The following PLPPR5 variants were observed in gnomAD, a reference collection of about 807,000 sequenced individuals.
PLPPR5 encodes the protein phospholipid phosphatase-related protein type 5.
In PLPPR5, 16 loss-of-function variants were observed where a neutral mutation model predicts 33.9. The ratio of observed to expected loss-of-function variants is 0.47; its 90% CI spans 0.32 to 0.72. The LOEUF (loss-of-function observed/expected upper bound fraction) is 0.72, where lower values mean the gene tolerates loss of function less well. Among genes scored for constraint, PLPPR5 ranks in the 30% least tolerant of loss-of-function variants. The probability of loss-of-function intolerance (pLI) is 0.03; values close to 1 mark genes in which losing one functional copy is unlikely to be tolerated. For missense variants in PLPPR5, 301 were observed against 406.7 expected (o/e 0.74, Z 2.23); for synonymous variants, 163 against 150.3 (o/e 1.08, Z -0.62).
intron 1 of PLPPR5, among the ~76,000 whole-genome samples, chr1:98,997,990 AAG>A (rs1652687703): frequency 6.6e-6 from 1 of 152,166 alleles, no homozygotes; most frequent in Non-Finnish European, 1.5e-5. Context: ...GGAAGAGGTG[AAG>A]GGAGAAAAAA....
intron 1 of PLPPR5, among the ~76,000 whole-genome samples, chr1:98,966,524 T>C (rs1189546465): frequency 2.6e-5 from 4 of 152,122 alleles, no homozygotes; most frequent in Non-Finnish European, 5.9e-5. Flanking sequence ...AAATAAAGAA[T>C]AAAGTAACCT....
At chr1:98,929,332 C>A (rs1649882707) in intron 3 of PLPPR5, among the ~76,000 whole-genome samples, 1 of 152,180 alleles carries the variant, frequency 6.6e-6, no homozygotes, top group African/African-American at 2.4e-5. Flanking sequence ...TGGATTAAAA[C>A]TATACATGTG....
intron 1 of PLPPR5, among the ~76,000 whole-genome samples, chr1:98,971,143 T>G (rs1651642546): frequency 6.6e-6 from 1 of 152,092 alleles, no homozygotes; most frequent in South Asian, 2.1e-4. Flanking sequence ...ATCTTATTTT[T>G]AGAAGCAGCC....
intron 1 of PLPPR5, among the ~76,000 whole-genome samples, chr1:98,979,398 G>A (rs1473325735): frequency 6.6e-6 from 1 of 151,998 alleles, no homozygotes; most frequent in Non-Finnish European, 1.5e-5. Context: ...CAATATCCAT[G>A]CCATTTGATT....
At chr1:98,995,295 C>T (rs548313310) in intron 1 of PLPPR5, among the ~76,000 whole-genome samples, 5 of 152,126 alleles carry the variant, frequency 3.3e-5, no homozygotes, top group African/African-American at 1.2e-4. Context: ...AAACAATAGA[C>T]ACTGGGGCCT....
chr1:98,985,563 G>A (rs538789648), intron 1 of PLPPR5, among the ~76,000 whole-genome samples: 65 of 151,992 alleles, frequency 4.3e-4, no homozygotes, highest in African/African-American at 1.3e-3. Context: ...ACATTCACTC[G>A]TCTCACTCTC....
At chr1:98,948,158 A>G (rs763457604) in intron 3 of PLPPR5, among the ~76,000 whole-genome samples, 1 of 152,164 alleles carries the variant, frequency 6.6e-6, no homozygotes, top group Non-Finnish European at 1.5e-5. Flanking sequence ...TTATACCTCC[A>G]AGTGAGGGCT....
intron 3 of PLPPR5, among the ~76,000 whole-genome samples, chr1:98,932,346 C>T (rs1231128454): frequency 6.6e-6 from 1 of 152,166 alleles, no homozygotes; most frequent in African/African-American, 2.4e-5. Flanking sequence ...TGAGTTAAAA[C>T]ACCATCTAGG....
intron 5 of PLPPR5, among the ~76,000 whole-genome samples, chr1:98,910,026 A>G (rs1649064052): frequency 6.6e-6 from 1 of 152,248 alleles, no homozygotes; most frequent in South Asian, 2.1e-4. Context: ...GCATAAAAAT[A>G]ACGAATACTT....
chr1:98,923,493 C>T (rs377176889), intron 3 of PLPPR5, among the ~76,000 whole-genome samples: 1 of 151,956 alleles, frequency 6.6e-6, no homozygotes, highest in Admixed American at 6.6e-5. Context: ...CATTTTAGAA[C>T]ACTATGAAAT....
intron 5 of PLPPR5, among the ~76,000 whole-genome samples, chr1:98,900,793 C>T (rs1648669623): frequency 6.6e-6 from 1 of 152,052 alleles, no homozygotes; most frequent in Non-Finnish European, 1.5e-5. Flanking sequence ...GATTAAAACT[C>T]CTCATTTAAA....
intron 1 of PLPPR5, among the ~76,000 whole-genome samples, chr1:98,982,847 G>A (rs903607848): frequency 6.6e-6 from 1 of 152,050 alleles, no homozygotes; most frequent in South Asian, 2.1e-4. Flanking sequence ...TTCCTCTTAG[G>A]TAGGACTCTG....
chr1:98,966,507 A>G (rs897309560), intron 1 of PLPPR5, among the ~76,000 whole-genome samples: 2 of 152,186 alleles, frequency 1.3e-5, no homozygotes, highest in Non-Finnish European at 2.9e-5. Flanking sequence ...CCAGTTACAG[A>G]AGAAGAAAAT....
rs1649196452 is a variant in PLPPR5, at chr1:98,912,641, G to A, written c.933+2145C>T. ...CAAGGGAAGCTGGGAAATATAGATT[G>A]TAGCTGGGCAGTCATGAATATAGCT... On this transcript the variant is annotated intron_variant, in intron 5 of 5. Transcript: ENST00000263177. Among the ~76,000 whole-genome samples, 3 of 152,156 alleles carry A rather than the reference G, an allele frequency of 2.0e-5. No homozygotes were observed. In the South Asian group the frequency reaches 6.2e-4, roughly 32 times the overall value.
intron 5 of PLPPR5, among the ~76,000 whole-genome samples, chr1:98,893,617 C>T (rs1175883739): frequency 3.8e-5 from 3 of 78,314 alleles, no homozygotes; most frequent in African/African-American, 8.0e-5. Flanking sequence ...CTTCACAGCG[C>T]CTTTTTTTTT....
intron 3 of PLPPR5, among the ~76,000 whole-genome samples, chr1:98,951,381 CAG>C (rs1479240063): frequency 6.6e-6 from 1 of 152,028 alleles, no homozygotes; most frequent in African/African-American, 2.4e-5. Flanking sequence ...CTAAAGAAAA[CAG>C]GGGAAATTAG....
intron 1 of PLPPR5, among the ~76,000 whole-genome samples, chr1:98,963,376 C>G (rs192791272): frequency 1.3e-5 from 2 of 152,268 alleles, no homozygotes; most frequent in Admixed American, 6.5e-5. Flanking sequence ...CAGTTGAGAG[C>G]CTCTCTGAGG....
At chr1:98,963,619 C>G (rs1050267829) in intron 1 of PLPPR5, among the ~76,000 whole-genome samples, 1 of 152,122 alleles carries the variant, frequency 6.6e-6, no homozygotes, top group Non-Finnish European at 1.5e-5. Flanking sequence ...TGACCACAGC[C>G]TCTGCCTGGG....
At chr1:98,895,597 T>C (rs1401395787) in intron 5 of PLPPR5, among the ~76,000 whole-genome samples, 2 of 152,036 alleles carry the variant, frequency 1.3e-5, no homozygotes, top group Non-Finnish European at 2.9e-5. Flanking sequence ...TCTTTTCCTA[T>C]GCAAAAATAT....
Sources: gnomAD v4.1 joint callset for allele counts (sites outside exome capture counted in the v4.1 genomes callset) on GRCh38, gnomAD v4.1.1 for gene constraint, MANE v1.5 for transcripts, NCBI Gene and HGNC (gene_info 2026-07-23, HGNC 2026-07-21) for gene names.